The following SYT14 variants were observed in gnomAD, a reference collection of about 807,000 sequenced individuals.
SYT14 encodes the protein synaptotagmin-14.
SYT14 carries 32 observed loss-of-function variants against 74.2 expected under a neutral mutation model. The observed-to-expected ratio is 0.43, with a 90% confidence interval of 0.33 to 0.58. SYT14 has a LOEUF of 0.58. SYT14 is among the 20% of genes least tolerant of loss of function. The pLI is 0.05. For missense variants in SYT14, 791 were observed against 981.8 expected (o/e 0.81, Z 2.60); for synonymous variants, 298 against 337.7 (o/e 0.88, Z 1.29).
chr1:209,976,635 A>G (rs899943705), intron 2 of SYT14, among the ~76,000 whole-genome samples: 9 of 152,014 alleles, frequency 5.9e-5, no homozygotes, highest in Non-Finnish European at 1.2e-4. Context: ...TATGTGGTCA[A>G]TTTTGGAATA....
chr1:209,973,903 CTA>C (rs2079306741), intron 2 of SYT14, among the ~76,000 whole-genome samples: 1 of 152,132 alleles, frequency 6.6e-6, no homozygotes, highest in African/African-American at 2.4e-5. Context: ...GATCGCCATT[CTA>C]ACTGGTGTGA....
chr1:209,974,315 G>C (rs986111862), intron 2 of SYT14, among the ~76,000 whole-genome samples: 10 of 152,052 alleles, frequency 6.6e-5, no homozygotes, highest in African/African-American at 2.2e-4. Flanking sequence ...GTATTGCCTA[G>C]GTTTTCTTCT....
chr1:209,947,657 T>C (rs1489490344), intron 1 of SYT14, among the ~76,000 whole-genome samples: 1 of 152,228 alleles, frequency 6.6e-6, no homozygotes. Context: ...ATTGTTGGAA[T>C]GACAAAGGGT....
At chr1:210,163,876 A>T in exon 10 of SYT14, 1 of 453,758 alleles carries the variant, frequency 2.2e-6, no homozygotes, top group Non-Finnish European at 4.4e-6. Context: ...GCAAATAGGG[A>T]CCTACTGGTA....
intron 5 of SYT14, among the ~76,000 whole-genome samples, chr1:210,034,429 A>T (rs554697086): frequency 6.6e-6 from 1 of 151,080 alleles, no homozygotes; most frequent in Non-Finnish European, 1.5e-5. Flanking sequence ...TAAATTTTAT[A>T]TAAATATATA....
At position 210,087,690 on chromosome 1, in the gene SYT14, T is replaced by G. The variant is rs756281511; in HGVS notation, c.1313-6632T>G. Among the ~76,000 whole-genome samples the G allele has an allele frequency of 5.4e-4, 82 of 152,264 alleles. 1 individual carries two copies. The highest frequency in any genetic ancestry group is 3.4e-3 in the Middle Eastern group (1 of 294). On this transcript the variant is annotated intron_variant, in intron 5 of 9. Transcript: ENST00000637265. ...ATTGAAAACCCTTCTCACCTGCCCTTGGGTTCTGACACTGCATGTTTGATT... is the reference window on the plus strand; with the variant it reads ...ATTGAAAACCCTTCTCACCTGCCCTGGGGTTCTGACACTGCATGTTTGATT...
intron 7 of SYT14, among the ~76,000 whole-genome samples, chr1:210,117,182 C>G (rs373123654): frequency 1.3e-5 from 2 of 151,978 alleles, no homozygotes; most frequent in South Asian, 4.1e-4. Flanking sequence ...TCTAAAATTC[C>G]TATGTGTCAG....
At chr1:210,129,077 A>T (rs189146893) in intron 7 of SYT14, among the ~76,000 whole-genome samples, 1 of 152,208 alleles carries the variant, frequency 6.6e-6, no homozygotes, top group African/African-American at 2.4e-5. Context: ...AAAAATATTA[A>T]GAAAAGTTTC....
At chr1:209,965,034 A>G (rs1385180719) in intron 2 of SYT14, among the ~76,000 whole-genome samples, 2 of 152,172 alleles carry the variant, frequency 1.3e-5, no homozygotes, top group African/African-American at 4.8e-5. Context: ...TTTTCTGTAC[A>G]GAAGGTCAGT....
At chr1:210,155,866 T>C in exon 8 of SYT14, 1 of 1,614,096 alleles carries the variant, frequency 6.2e-7, no homozygotes, top group Non-Finnish European at 8.5e-7. Context: ...GCAGAAGTGA[T>C]AAAAGGCAGC....
At chr1:209,984,014 A>G (rs2079532684) in intron 2 of SYT14, among the ~76,000 whole-genome samples, 1 of 152,196 alleles carries the variant, frequency 6.6e-6, no homozygotes, top group Non-Finnish European at 1.5e-5. Context: ...AGGTTTTCCT[A>G]AATGTCTGGA....
At chr1:209,948,651 A>G (rs189238989) in intron 1 of SYT14, among the ~76,000 whole-genome samples, 1 of 152,232 alleles carries the variant, frequency 6.6e-6, no homozygotes, top group East Asian at 1.9e-4. Context: ...GGAAAAATCA[A>G]TATTTACTTT....
chr1:210,125,784 AATTATAT>A (rs1318129310), intron 7 of SYT14, among the ~76,000 whole-genome samples: 1 of 152,246 alleles, frequency 6.6e-6, no homozygotes, highest in African/African-American at 2.4e-5. Context: ...CAGATTTTAA[AATTATAT>A]CTAGGCAGTC....
At chr1:210,103,739 T>A (rs940943346) in intron 7 of SYT14, among the ~76,000 whole-genome samples, 13 of 152,126 alleles carry the variant, frequency 8.5e-5, no homozygotes, top group African/African-American at 3.1e-4. Flanking sequence ...AATCAGAGGA[T>A]TAGACCAAGT....
chr1:210,053,538 G>A (rs140182388), intron 5 of SYT14, among the ~76,000 whole-genome samples: 1 of 152,330 alleles, frequency 6.6e-6, no homozygotes, highest in Non-Finnish European at 1.5e-5. Context: ...ATGGATTGGA[G>A]CTGGTGGAAA....
At chr1:210,155,245 T>G (rs1164153323) in intron 7 of SYT14, among the ~76,000 whole-genome samples, 5 of 152,242 alleles carry the variant, frequency 3.3e-5, no homozygotes, top group African/African-American at 1.2e-4. Context: ...ATTTTTTACA[T>G]GATTAATTTT....
At chr1:210,131,605 A>G (rs1163397008) in intron 7 of SYT14, among the ~76,000 whole-genome samples, 2 of 151,920 alleles carry the variant, frequency 1.3e-5, no homozygotes, top group African/African-American at 4.8e-5. Flanking sequence ...CTATACCTAT[A>G]TATTGAAAGC....
At chr1:210,093,456 TCTG>T (rs2081913570) in intron 5 of SYT14, among the ~76,000 whole-genome samples, 2 of 152,232 alleles carry the variant, frequency 1.3e-5, no homozygotes, top group South Asian at 2.1e-4. Context: ...TTTACTGGAC[TCTG>T]TTTCCTTATT....
intron 2 of SYT14, among the ~76,000 whole-genome samples, chr1:209,986,658 C>CT (rs2079575867): frequency 2.6e-5 from 4 of 151,958 alleles, no homozygotes; most frequent in African/African-American, 9.7e-5. Flanking sequence ...AATCATCTTT[C>CT]TTTTTTTCTT....
Sources: gnomAD v4.1 joint callset for allele counts (sites outside exome capture counted in the v4.1 genomes callset) on GRCh38, gnomAD v4.1.1 for gene constraint, MANE v1.5 for transcripts, NCBI Gene and HGNC (gene_info 2026-07-23, HGNC 2026-07-21) for gene names.